The following SPATA16 variants were observed in gnomAD, a reference collection of about 807,000 sequenced individuals.
SPATA16 encodes the protein spermatogenesis associated 16, also known as spermatogenesis-associated protein 16.
In SPATA16, 36 loss-of-function variants were observed where a neutral mutation model predicts 63.3. The observed-to-expected ratio is 0.57, with a 90% CI of 0.44 to 0.75. The LOEUF is 0.75. SPATA16 is among the 30% of genes least tolerant of loss of function. SPATA16 has a pLI of 0.00. For missense variants in SPATA16, 646 were observed against 679.3 expected, an observed-to-expected ratio of 0.95 and a Z score of 0.54; for synonymous variants, 203 against 216.7, an observed-to-expected ratio of 0.94 and a Z score of 0.56.
chr3:173,059,512 A>G (rs906107168), intron 2 of SPATA16, among the ~76,000 whole-genome samples: 1 of 151,702 alleles, frequency 6.6e-6, no homozygotes, highest in Non-Finnish European at 1.5e-5. Flanking sequence ...TCTTTGCTTT[A>G]CTTAGGAAAA....
intron 5 of SPATA16, among the ~76,000 whole-genome samples, chr3:172,960,971 C>T (rs1038984704): frequency 1.5e-5 from 2 of 134,200 alleles, no homozygotes; most frequent in Non-Finnish European, 3.1e-5. Flanking sequence ...CTCTCTCTTT[C>T]TTTTTCTCTT....
Position 173,117,142 on chromosome 3 carries a change from C to A in SPATA16, c.590G>T (p.Gly197Val). 1 of 1,614,098 alleles carries A rather than the reference C, an allele frequency of 6.2e-7. No homozygotes were observed. The highest frequency in any genetic ancestry group is 8.5e-7 in the Non-Finnish European group (1 of 1,179,960). ...YRQKKYALAA[G>V]QFRTALELCS... ...TACCTCAAGTGCTGTTCTGAACTGTCCTGCTGCCAAGGCGTATTTCTTTTG... is the reference window on the plus strand; with the variant it reads ...TACCTCAAGTGCTGTTCTGAACTGTACTGCTGCCAAGGCGTATTTCTTTTG... Residue 197 changes from glycine (G) to valine (V), a missense_variant, in exon 2 of 11, where the codon GGA becomes GTA. Coordinates refer to ENST00000351008, the MANE Select transcript of SPATA16 (RefSeq NM_031955.6).
Position 173,015,199 on chromosome 3 carries a change from G to T in SPATA16, c.848+4287C>A, listed in dbSNP as rs565967665. Among the ~76,000 whole-genome samples the T allele has an allele frequency of 1.6e-4, 25 of 152,082 alleles. 1 individual carries two copies. The South Asian group carries it at 4.8e-3, about 29-fold the overall frequency. ...CAGCCTCAGCCTCCCAAGTAGCTGG[G>T]ATTACAGGTGTCTGCCAGCATGCCT... On this transcript the variant is annotated intron_variant, in intron 4 of 10. Coordinates refer to ENST00000351008, the MANE Select transcript of SPATA16 (RefSeq NM_031955.6).
At chr3:173,008,819 T>A (rs916078405) in intron 4 of SPATA16, among the ~76,000 whole-genome samples, 1 of 152,132 alleles carries the variant, frequency 6.6e-6, no homozygotes, top group African/African-American at 2.4e-5. Flanking sequence ...TGAGAATAAA[T>A]CATTCCGTGA....
At chr3:172,892,524 A>C (rs1353020529) in intron 10 of SPATA16, among the ~76,000 whole-genome samples, 1 of 152,212 alleles carries the variant, frequency 6.6e-6, no homozygotes, top group East Asian at 1.9e-4. Context: ...AAATGACACG[A>C]TATGCAGCAA....
chr3:172,906,431 C>A (rs896410958), intron 10 of SPATA16, among the ~76,000 whole-genome samples: 1 of 152,198 alleles, frequency 6.6e-6, no homozygotes, highest in Non-Finnish European at 1.5e-5. Flanking sequence ...GGTAGACTAG[C>A]ATAAATTCCT....
intron 5 of SPATA16, among the ~76,000 whole-genome samples, chr3:172,960,142 G>A (rs1057197503): frequency 3.3e-5 from 5 of 151,992 alleles, no homozygotes; most frequent in African/African-American, 4.8e-5. Flanking sequence ...TTGATTTTGC[G>A]AATAAAGGAA....
At chr3:172,958,929 G>A (rs1410383547) in intron 5 of SPATA16, among the ~76,000 whole-genome samples, 1 of 152,120 alleles carries the variant, frequency 6.6e-6, no homozygotes, top group Non-Finnish European at 1.5e-5. Context: ...TGGGCTAATG[G>A]AATGCAGTCT....
intron 2 of SPATA16, among the ~76,000 whole-genome samples, chr3:173,051,914 C>G (rs868694412): frequency 6.6e-6 from 1 of 151,996 alleles, no homozygotes; most frequent in Middle Eastern, 3.4e-3. Flanking sequence ...CAAGTTCAAG[C>G]GATTCTCCTG....
intron 4 of SPATA16, among the ~76,000 whole-genome samples, chr3:172,979,161 C>G (rs1734238760): frequency 2.0e-5 from 3 of 152,168 alleles, no homozygotes; most frequent in Admixed American, 1.3e-4. Flanking sequence ...GCCGTGAACC[C>G]AGGAGGCGGA....
chr3:172,987,901 G>T (rs971379045), intron 4 of SPATA16, among the ~76,000 whole-genome samples: 13 of 152,122 alleles, frequency 8.5e-5, no homozygotes, highest in Admixed American at 2.0e-4. Flanking sequence ...CAAGGGGTGT[G>T]CTTCGCATTC....
chr3:172,976,808 G>T (rs1229794594), intron 5 of SPATA16, among the ~76,000 whole-genome samples, 160 bp downstream of exon 5: 2 of 152,006 alleles, frequency 1.3e-5, no homozygotes. Context: ...ATTAGTCTTA[G>T]AAAATCTACT....
chr3:173,090,210 T>G (rs537103587), intron 2 of SPATA16, among the ~76,000 whole-genome samples: 35 of 152,130 alleles, frequency 2.3e-4, no homozygotes, highest in African/African-American at 8.4e-4. Context: ...GTTCTCATGA[T>G]AGTGAGTGGC....
intron 4 of SPATA16, among the ~76,000 whole-genome samples, chr3:172,991,389 T>C (rs776372353): frequency 6.6e-6 from 1 of 152,194 alleles, no homozygotes; most frequent in African/African-American, 2.4e-5. Flanking sequence ...GAGCTGATTA[T>C]ATAATAGGCT....
rs540866126 is a variant in SPATA16 at position 172,924,692 on chromosome 3, A to G, written c.1229-375T>C. Among the ~76,000 whole-genome samples the G allele has an allele frequency of 6.4e-4, 98 of 152,348 alleles. 1 individual carries two copies. The highest frequency in any genetic ancestry group is 2.2e-3 in the African/African-American group (92 of 41,584). ...AGGTATTATTCAAGTGTGCAGATCC[A>G]TTGACTTTGAATGTAGCTCAAAGTT... On this transcript the variant is annotated intron_variant, in intron 7 of 10. Transcript: ENST00000351008.
chr3:172,965,162 A>T lies in SPATA16; in HGVS notation c.934-8338T>A, dbSNP rs77969414. Among the ~76,000 whole-genome samples the T allele has an allele frequency of 3.3e-5, 5 of 152,220 alleles. No individual in the cohort carries two copies. The East Asian group carries it at 9.6e-4, about 29-fold the overall frequency. On this transcript the variant is annotated intron_variant, in intron 5 of 10. Coordinates refer to ENST00000351008, the MANE Select transcript of SPATA16 (RefSeq NM_031955.6). ...AGCAAGCATTATTACTCCATTTTAT[A>T]GTTGAGGAAAACTTAGTCTGTAAAG...
At chr3:172,947,204 C>T (rs1733311649) in intron 6 of SPATA16, among the ~76,000 whole-genome samples, 2 of 152,168 alleles carry the variant, frequency 1.3e-5, no homozygotes, top group African/African-American at 4.8e-5. Flanking sequence ...ACACTCAATT[C>T]TCTTTAAATA....
intron 1 of SPATA16, among the ~76,000 whole-genome samples, chr3:173,140,590 T>C (rs1245966080): frequency 6.6e-6 from 1 of 152,184 alleles, no homozygotes; most frequent in Non-Finnish European, 1.5e-5. Flanking sequence ...CCTAATATCC[T>C]ACTCCTTGAC....
chr3:173,015,145 G>A (rs1446025488), intron 4 of SPATA16, among the ~76,000 whole-genome samples: 1 of 149,874 alleles, frequency 6.7e-6, no homozygotes, highest in African/African-American at 2.5e-5. Context: ...CTCACCGCAA[G>A]CCCCGCCTCC....
Sources: gnomAD v4.1 joint callset for allele counts (sites outside exome capture counted in the v4.1 genomes callset) on GRCh38, gnomAD v4.1.1 for gene constraint, MANE v1.5 for transcripts, NCBI Gene and HGNC (gene_info 2026-07-23, HGNC 2026-07-21) for gene names.